The following LHFPL3 variants were observed in gnomAD, a reference collection of about 807,000 sequenced individuals.
The protein encoded by LHFPL3 is LHFPL tetraspan subfamily member 3 protein.
In LHFPL3, 5 loss-of-function variants were observed where a neutral mutation model predicts 19.3. The observed-to-expected ratio is 0.26, with a 90% confidence interval of 0.14 to 0.54. LHFPL3 has a LOEUF of 0.54. Ranked by LOEUF, LHFPL3 falls within the 20% of genes least tolerant of loss-of-function variation. The pLI is 0.94. For synonymous variants in LHFPL3, 133 were observed against 126.2 expected (o/e 1.05, Z -0.36); for missense variants, 249 against 307.4 (o/e 0.81, Z 1.42).
intron 1 of LHFPL3, among the ~76,000 whole-genome samples, chr7:104,424,147 C>T (rs1293119793): frequency 1.3e-5 from 2 of 152,168 alleles, no homozygotes; most frequent in East Asian, 3.9e-4. Flanking sequence ...CAGTGTTTTT[C>T]ATATTAAGTT....
chr7:104,471,936 A>G (rs1204489919), intron 1 of LHFPL3, among the ~76,000 whole-genome samples: 1 of 152,162 alleles, frequency 6.6e-6, no homozygotes, highest in African/African-American at 2.4e-5. Flanking sequence ...CCAGCACTTC[A>G]GGAGGCCGAG....
At chr7:104,441,010 CTCTT>C (rs1423430499) in intron 1 of LHFPL3, among the ~76,000 whole-genome samples, 3 of 152,026 alleles carry the variant, frequency 2.0e-5, no homozygotes, top group Non-Finnish European at 4.4e-5. Context: ...TTCCTCATGC[CTCTT>C]TCTTTCTGTG....
chr7:104,780,382 C>A (rs1166462044), intron 2 of LHFPL3, among the ~76,000 whole-genome samples: 1 of 152,198 alleles, frequency 6.6e-6, no homozygotes, highest in Non-Finnish European at 1.5e-5. Context: ...CTGCCTCTTT[C>A]CCTTAACTAA....
chr7:104,815,853 AG>A (rs1191162947), intron 2 of LHFPL3, among the ~76,000 whole-genome samples: 1 of 152,112 alleles, frequency 6.6e-6, no homozygotes, highest in Non-Finnish European at 1.5e-5. Context: ...TGTGAGTACT[AG>A]GGCAAAGAAG....
chr7:104,821,078 A>G (rs1008357562), intron 2 of LHFPL3, among the ~76,000 whole-genome samples: 1 of 152,232 alleles, frequency 6.6e-6, no homozygotes, highest in Non-Finnish European at 1.5e-5. Context: ...CCTTCAAAGC[A>G]TCACGGCAAT....
intron 1 of LHFPL3, among the ~76,000 whole-genome samples, chr7:104,537,958 T>C (rs1171307342): frequency 6.6e-6 from 1 of 152,178 alleles, no homozygotes; most frequent in Non-Finnish European, 1.5e-5. Context: ...CAACGGGCTA[T>C]ACAGATCATA....
chr7:104,549,683 G>A (rs1484753633), intron 1 of LHFPL3, among the ~76,000 whole-genome samples: 3 of 152,116 alleles, frequency 2.0e-5, no homozygotes, highest in Non-Finnish European at 4.4e-5. Context: ...TATCTATTAC[G>A]TGGTGAGGAA....
At chr7:104,744,713 T>A (rs1380240688) in intron 2 of LHFPL3, among the ~76,000 whole-genome samples, 2 of 152,202 alleles carry the variant, frequency 1.3e-5, no homozygotes, top group African/African-American at 2.4e-5. Context: ...CAACTTTCAA[T>A]CCTTATATTG....
chr7:104,682,562 G>T (rs1346476138), intron 1 of LHFPL3, among the ~76,000 whole-genome samples: 1 of 152,148 alleles, frequency 6.6e-6, no homozygotes, highest in Non-Finnish European at 1.5e-5. Flanking sequence ...TACAATAATG[G>T]TAAACTTGAA....
chr7:104,557,670 ATTTTTATT>A (rs1362965940), intron 1 of LHFPL3, among the ~76,000 whole-genome samples: 1 of 151,460 alleles, frequency 6.6e-6, no homozygotes, highest in African/African-American at 2.4e-5. Context: ...TTTTATTTTT[ATTTTTATT>A]TTTTTATTTT....
intron 1 of LHFPL3, among the ~76,000 whole-genome samples, chr7:104,465,044 T>G (rs993503797): frequency 6.6e-6 from 1 of 152,176 alleles, no homozygotes; most frequent in Non-Finnish European, 1.5e-5. Context: ...ATATCATCTC[T>G]CTCAAATTCA....
chr7:104,771,625 G>A (rs1305827522), intron 2 of LHFPL3, among the ~76,000 whole-genome samples: 1 of 151,794 alleles, frequency 6.6e-6, no homozygotes, highest in East Asian at 2.0e-4. Context: ...ACAGCCCAAT[G>A]AATATTGATA....
At chr7:104,461,380 A>C (rs1189039556) in intron 1 of LHFPL3, among the ~76,000 whole-genome samples, 1 of 152,184 alleles carries the variant, frequency 6.6e-6, no homozygotes, top group East Asian at 1.9e-4. Flanking sequence ...TTATTTTTGT[A>C]TATGGTGTAA....
intron 1 of LHFPL3, among the ~76,000 whole-genome samples, chr7:104,566,491 G>A (rs1327428546): frequency 6.6e-6 from 1 of 152,068 alleles, no homozygotes; most frequent in Non-Finnish European, 1.5e-5. Context: ...ATTTATACAA[G>A]GGCATCCAGG....
chr7:104,849,920 G>T (rs1370423576), intron 2 of LHFPL3, among the ~76,000 whole-genome samples: 1 of 152,228 alleles, frequency 6.6e-6, no homozygotes, highest in Non-Finnish European at 1.5e-5. Context: ...ATATTTAGAT[G>T]TTATGGCTGG....
intron 1 of LHFPL3, among the ~76,000 whole-genome samples, chr7:104,379,522 G>A (rs558194734): frequency 1.4e-4 from 21 of 152,256 alleles, no homozygotes; most frequent in African/African-American, 4.8e-4. Flanking sequence ...AAATAATAAA[G>A]TATGTCTTAA....
chr7:104,578,847 C>T (rs149704961), intron 1 of LHFPL3, among the ~76,000 whole-genome samples: 6 of 152,128 alleles, frequency 3.9e-5, no homozygotes, highest in Admixed American at 6.6e-5. Context: ...TCACTTGTAT[C>T]GAGAGTGGTC....
chr7:104,603,060 C>CTTCTT (rs1791001204), intron 1 of LHFPL3, among the ~76,000 whole-genome samples: 2 of 138,726 alleles, frequency 1.4e-5, no homozygotes, highest in African/African-American at 5.3e-5. Flanking sequence ...TTTTTTCTTT[C>CTTCTT]TTTCTTTTTC....
chr7:104,383,310 C>T (rs1790867233), intron 1 of LHFPL3, among the ~76,000 whole-genome samples: 2 of 152,300 alleles, frequency 1.3e-5, no homozygotes, highest in East Asian at 1.9e-4. Flanking sequence ...GGGTCTTGGG[C>T]CACAAGGACC....
Sources: gnomAD v4.1 joint callset for allele counts (sites outside exome capture counted in the v4.1 genomes callset) on GRCh38, gnomAD v4.1.1 for gene constraint, MANE v1.5 for transcripts, NCBI Gene and HGNC (gene_info 2026-07-23, HGNC 2026-07-21) for gene names.